Variants in NBAS observed in about 807,000 individuals in gnomAD.
NBAS encodes NBAS subunit of NRZ tethering complex, also known as NAG/BC035112 fusion.
NBAS carries 219 observed loss-of-function variants against 302.5 expected under a neutral mutation model. The ratio of observed to expected loss-of-function variants is 0.72; its 90% CI spans 0.65 to 0.81. The LOEUF (loss-of-function observed/expected upper bound fraction) is 0.81, where lower values mean the gene tolerates loss of function less well. Ranked by LOEUF, NBAS falls within the 30% of genes least tolerant of loss-of-function variation. The pLI is 0.00. For missense variants in NBAS, 2,932 were observed against 2,841.6 expected, an observed-to-expected ratio of 1.03 and a Z score of -0.72; for synonymous variants, 1,118 against 1,021.6, an observed-to-expected ratio of 1.09 and a Z score of -1.80.
At chr2:15,033,978 G>GGAAGATGAA in the NBAS span, among the ~76,000 whole-genome samples, 3 of 63,272 alleles carry the variant, frequency 4.7e-5, no homozygotes, top group African/African-American at 1.7e-4. Flanking sequence ...GAAGAAAAGA[G>GGAAGATGAA]GAAGAGGAAG....
At chr2:15,532,023 G>A (rs891448496) in intron 9 of NBAS, among the ~76,000 whole-genome samples, 5 of 152,068 alleles carry the variant, frequency 3.3e-5, no homozygotes, top group African/African-American at 1.2e-4. Context: ...TAAGCACCTG[G>A]AACAGTATGT....
At chr2:15,101,100 T>C in the NBAS span, among the ~76,000 whole-genome samples, 1 of 152,224 alleles carries the variant, frequency 6.6e-6, no homozygotes, top group Admixed American at 6.5e-5. Flanking sequence ...CAGTGCCCTG[T>C]TCCATTTGGA....
At chr2:15,232,338 C>G in intron 47 of NBAS, 84 bp downstream of exon 47, 1 of 1,307,624 alleles carries the variant, frequency 7.6e-7, no homozygotes. Context: ...GTCTTGGAAG[C>G]CTCATACATA....
At chr2:15,321,052 G>A (rs1462381918) in intron 38 of NBAS, among the ~76,000 whole-genome samples, 1 of 152,084 alleles carries the variant, frequency 6.6e-6, no homozygotes, top group Non-Finnish European at 1.5e-5. Flanking sequence ...CAGAGATATA[G>A]ACCAATGGAA....
At chr2:14,904,890 A>C in the NBAS span, among the ~76,000 whole-genome samples, 1 of 130,496 alleles carries the variant, frequency 7.7e-6, no homozygotes, top group Non-Finnish European at 1.6e-5. Context: ...TCTACTAAAA[A>C]TACAAAAAAT....
chr2:15,126,413 GA>G, the NBAS span, among the ~76,000 whole-genome samples: 1 of 152,162 alleles, frequency 6.6e-6, no homozygotes, highest in Non-Finnish European at 1.5e-5. Flanking sequence ...AGCCCTGGTA[GA>G]GGAATGGGGA....
At chr2:15,431,512 C>T (rs1341979901) in intron 21 of NBAS, among the ~76,000 whole-genome samples, 3 of 152,180 alleles carry the variant, frequency 2.0e-5, no homozygotes, top group Non-Finnish European at 4.4e-5. Context: ...GCTATATCCT[C>T]AGCACCCAAA....
chr2:15,132,693 A>T, the NBAS span, among the ~76,000 whole-genome samples: 3 of 152,238 alleles, frequency 2.0e-5, no homozygotes, highest in Non-Finnish European at 2.9e-5. Context: ...GCAGGGGGTA[A>T]ACAGGTACTG....
the NBAS span, among the ~76,000 whole-genome samples, chr2:14,848,372 G>C: frequency 7.3e-6 from 1 of 137,684 alleles, no homozygotes. Flanking sequence ...TTTCAGACCG[G>C]CTTAAAAACG....
At chr2:15,451,996 C>T (rs1436575326) in intron 21 of NBAS, among the ~76,000 whole-genome samples, 1 of 147,922 alleles carries the variant, frequency 6.8e-6, no homozygotes, top group Non-Finnish European at 1.5e-5. Context: ...GAACATTACG[C>T]TAAAAAAAAA....
At chr2:14,995,357 T>C in the NBAS span, among the ~76,000 whole-genome samples, 1 of 152,330 alleles carries the variant, frequency 6.6e-6, no homozygotes, top group East Asian at 1.9e-4. Flanking sequence ...GATGAGTTCA[T>C]GTCTTTTGCA....
At chr2:14,944,898 A>G in the NBAS span, among the ~76,000 whole-genome samples, 1 of 152,220 alleles carries the variant, frequency 6.6e-6, no homozygotes, top group African/African-American at 2.4e-5. Context: ...CACTTTCCCC[A>G]CTATCTTGGG....
rs145480131 is a variant in NBAS at position 15,545,795 on chromosome 2, C to T, written c.379+5698G>A. 2.1e-3 allele frequency among the ~76,000 whole-genome samples: 323 copies of T among 152,316 alleles called. 2 individuals carry two copies. Among genetic ancestry groups the T allele is most frequent in the Non-Finnish European group, 3.5e-3 (235 of 68,024 alleles). On this transcript the variant is annotated intron_variant, in intron 6 of 51. Transcript: ENST00000281513. ...GAACACTTGCCAACCCTTTTCAAAC[C>T]AGCACTACTCCAATACCAAACCAGG...
rs574075816 is a variant in NBAS at position 15,226,117 on chromosome 2, A to G, written c.6236+6305T>C. On this transcript the variant is annotated intron_variant, in intron 47 of 51. Coordinates refer to ENST00000281513, the MANE Select transcript of NBAS (RefSeq NM_015909.4). ...TTTCCTGTGCTGGCTCTTAGTGTCA[A>G]AAAGAGGTGATATGGTGAGAGAAAT... 2.0e-5 allele frequency among the ~76,000 whole-genome samples: 3 copies of G among 152,326 alleles called. No homozygotes were observed. In the East Asian group the frequency reaches 5.8e-4, roughly 29 times the overall value.
In NBAS at chr2:15,541,163, G is replaced by T. The variant is rs143445939; in HGVS notation, c.380-1807C>A. On this transcript the variant is annotated intron_variant, in intron 6 of 51. Transcript: ENST00000281513. ...GCTGCTCTGTGCCACCAAATATTCT[G>T]TACATACCTCTTTCATAGCATTTAT... Among the ~76,000 whole-genome samples, 47 of 152,122 alleles carry T rather than the reference G, an allele frequency of 3.1e-4. No individual in the cohort carries two copies. The East Asian group carries it at 6.6e-3, about 21-fold the overall frequency.
intron 40 of NBAS, among the ~76,000 whole-genome samples, chr2:15,306,566 T>C (rs1238618744): frequency 6.6e-5 from 10 of 152,154 alleles, no homozygotes; most frequent in South Asian, 6.2e-4. Flanking sequence ...ATTTGGAAGG[T>C]TGAGGCAGCT....
intron 51 of NBAS, among the ~76,000 whole-genome samples, chr2:15,174,716 TG>T (rs1299934584): frequency 6.6e-6 from 1 of 152,196 alleles, no homozygotes; most frequent in Admixed American, 6.5e-5. Context: ...AGCAGAAGCA[TG>T]GTGGGGTATA....
rs116554654 is a variant in NBAS, at chr2:15,373,608, G to C, written c.3703+1000C>G. Among the ~76,000 whole-genome samples, 921 of 152,298 alleles carry C rather than the reference G, an allele frequency of 6.0e-3. 11 individuals carry two copies. Among genetic ancestry groups the C allele is most frequent in the African/African-American group, 0.02 (827 of 41,556 alleles). On this transcript the variant is annotated intron_variant, in intron 31 of 51. Coordinates refer to ENST00000281513, the MANE Select transcript of NBAS (RefSeq NM_015909.4). ...AGCATCCCAAAATGCTGGGACTACA[G>C]GTGTGAGCCACTGTGCCCAGCCTAA... is the stretch of plus-strand genomic sequence containing the variant.
At chr2:14,791,333 G>T in the NBAS span, among the ~76,000 whole-genome samples, 8 of 152,144 alleles carry the variant, frequency 5.3e-5, no homozygotes, top group Non-Finnish European at 1.0e-4. Flanking sequence ...TTTATCCCTA[G>T]TATACAGTTG....
Sources: allele counts gnomAD v4.1 joint callset (sites outside exome capture counted in the v4.1 genomes callset), GRCh38; gene constraint gnomAD v4.1.1; transcripts MANE v1.5; gene names NCBI Gene and HGNC (gene_info 2026-07-23, HGNC 2026-07-21).